Variants in B3GALT1 observed in about 807,000 individuals in gnomAD.
B3GALT1 encodes beta-1,3-galactosyltransferase 1, also known as UDP-Gal:betaGlcNAc beta 1,3-galactosyltransferase, polypeptide 1.
Under a neutral mutation model 23.2 loss-of-function variants are expected in B3GALT1, and 10 were observed. The ratio of observed to expected loss-of-function variants is 0.43; its 90% CI spans 0.27 to 0.73. The LOEUF (loss-of-function observed/expected upper bound fraction) is 0.73, where lower values mean the gene tolerates loss of function less well. Ranked by LOEUF, B3GALT1 falls within the 30% of genes least tolerant of loss-of-function variation. The pLI, the probability that B3GALT1 is intolerant of heterozygous loss-of-function variation, is 0.21. For synonymous variants in B3GALT1, 156 were observed against 141.5 expected, an observed-to-expected ratio of 1.10 and a Z score of -0.73; for missense variants, 299 against 405.4, an observed-to-expected ratio of 0.74 and a Z score of 2.25.
chr2:167,445,378 G>T (rs1180247101), intron 1 of B3GALT1, among the ~76,000 whole-genome samples: 1 of 152,200 alleles, frequency 6.6e-6, no homozygotes, highest in Non-Finnish European at 1.5e-5. Flanking sequence ...ATGTCTATTA[G>T]GTCCACTTGG....
chr2:167,510,285 A>G (rs896997003), intron 2 of B3GALT1, among the ~76,000 whole-genome samples: 7 of 152,040 alleles, frequency 4.6e-5, no homozygotes, highest in South Asian at 2.1e-4. Context: ...TATGTGATAC[A>G]TTGCTTGCAC....
At chr2:167,399,786 T>G (rs894142267) in intron 1 of B3GALT1, among the ~76,000 whole-genome samples, 14 of 152,256 alleles carry the variant, frequency 9.2e-5, no homozygotes, top group African/African-American at 3.4e-4. Flanking sequence ...ACTTTACTTC[T>G]GTGTTGGAGA....
chr2:167,443,481 G>A (rs1024542930), intron 1 of B3GALT1, among the ~76,000 whole-genome samples: 3 of 152,120 alleles, frequency 2.0e-5, no homozygotes, highest in East Asian at 1.9e-4. Context: ...GGCCATTTTC[G>A]TGATATTGAT....
chr2:167,574,641 A>C (rs1357579984), intron 2 of B3GALT1, among the ~76,000 whole-genome samples: 4 of 151,724 alleles, frequency 2.6e-5, no homozygotes, highest in South Asian at 2.1e-4. Flanking sequence ...TATTAAGCTC[A>C]AATTATACCA....
At chr2:167,323,711 C>T (rs1156773309) in intron 1 of B3GALT1, among the ~76,000 whole-genome samples, 4 of 152,022 alleles carry the variant, frequency 2.6e-5, no homozygotes, top group Non-Finnish European at 4.4e-5. Flanking sequence ...ATTCTGTTTC[C>T]CATTCATAAA....
chr2:167,698,649 C>T (rs1686823750), intron 3 of B3GALT1, among the ~76,000 whole-genome samples: 1 of 152,124 alleles, frequency 6.6e-6, no homozygotes, highest in Non-Finnish European at 1.5e-5. Context: ...TTTAGAGCTT[C>T]TGAAAGTTAC....
rs1320332774 is a variant in B3GALT1 at position 167,359,274 on chromosome 2, G to GA, written c.-511+65942dup. Among the ~76,000 whole-genome samples the GA allele has an allele frequency of 2.6e-5, 4 of 152,026 alleles. No individual in the cohort carries two copies. The East Asian group carries it at 5.8e-4, about 22-fold the overall frequency. ...CACTAGGTCTGCATAACAGATTTTA[G>GA]AATATATCAAGGCACATCCTCAATC... On this transcript the variant is annotated intron_variant, in intron 1 of 4. Transcript: ENST00000392690.
chr2:167,656,802 C>G (rs934061480), intron 3 of B3GALT1, among the ~76,000 whole-genome samples: 1 of 152,070 alleles, frequency 6.6e-6, no homozygotes, highest in Admixed American at 6.6e-5. Context: ...TTGGCACTTT[C>G]CTAATAGATT....
chr2:167,295,391 C>A (rs945656958), intron 1 of B3GALT1, among the ~76,000 whole-genome samples: 4 of 152,060 alleles, frequency 2.6e-5, no homozygotes, highest in African/African-American at 9.7e-5. Context: ...GTTATTGAAA[C>A]CTTCAGGACT....
chr2:167,545,252 G>T (rs1683614484), intron 2 of B3GALT1, among the ~76,000 whole-genome samples: 1 of 151,722 alleles, frequency 6.6e-6, no homozygotes. Flanking sequence ...AGCCAGGATG[G>T]TCTTGATCTT....
intron 1 of B3GALT1, among the ~76,000 whole-genome samples, chr2:167,480,360 A>G (rs1699545403): frequency 6.6e-6 from 1 of 152,166 alleles, no homozygotes; most frequent in Non-Finnish European, 1.5e-5. Context: ...CCCAGGAATG[A>G]GCGAAGCCAG....
intron 1 of B3GALT1, among the ~76,000 whole-genome samples, chr2:167,360,509 A>C (rs2689826): frequency 0.85 from 128,625 of 152,068 alleles, 55,125 homozygotes; most frequent in East Asian, 0.95. Context: ...CATCTTGGAA[A>C]TTTTCAGAAA....
intron 2 of B3GALT1, among the ~76,000 whole-genome samples, chr2:167,500,599 C>G (rs1699836597): frequency 6.6e-6 from 1 of 151,192 alleles, no homozygotes; most frequent in Admixed American, 6.6e-5. Context: ...AGGCTCTGTG[C>G]TACACAAGGA....
In B3GALT1 at chr2:167,581,511, T is replaced by C. The variant is rs1009546264; in HGVS notation, c.-409-65398T>C. Among the ~76,000 whole-genome samples the C allele has an allele frequency of 8.5e-5, 13 of 152,344 alleles. No homozygotes were observed. In the South Asian group the frequency reaches 2.3e-3, roughly 27 times the overall value. ...AAACAGACTAAGTATTTCTGCTGGG[T>C]TGCCTGTTGCTTTAAAACACTTCTT... On this transcript the variant is annotated intron_variant, in intron 2 of 4. Transcript: ENST00000392690.
At chr2:167,739,038 G>A (rs1687533726) in intron 3 of B3GALT1, among the ~76,000 whole-genome samples, 1 of 152,076 alleles carries the variant, frequency 6.6e-6, no homozygotes, top group Non-Finnish European at 1.5e-5. Flanking sequence ...GTTTTATGGT[G>A]GTCAATTCCA....
chr2:167,718,211 C>A (rs1275264802), intron 3 of B3GALT1, among the ~76,000 whole-genome samples: 2 of 152,062 alleles, frequency 1.3e-5, no homozygotes, highest in African/African-American at 4.8e-5. Flanking sequence ...AATTAAGATT[C>A]TCTTCTTGCA....
intron 1 of B3GALT1, among the ~76,000 whole-genome samples, chr2:167,466,740 T>C (rs1410327590): frequency 6.6e-6 from 1 of 151,048 alleles, no homozygotes; most frequent in Admixed American, 6.6e-5. Context: ...GGAGACAGAG[T>C]CTTGCTCTTT....
chr2:167,571,236 G>A (rs1249841336), intron 2 of B3GALT1, among the ~76,000 whole-genome samples: 1 of 151,860 alleles, frequency 6.6e-6, no homozygotes, highest in Non-Finnish European at 1.5e-5. Context: ...GAAAGTCTCT[G>A]CATTCACATT....
chr2:167,442,256 A>G lies in B3GALT1; in HGVS notation c.-510-47921A>G, dbSNP rs539194125. Among the ~76,000 whole-genome samples, 400 of 152,102 alleles carry G rather than the reference A, an allele frequency of 2.6e-3. 2 individuals are homozygous for G. The highest frequency in any genetic ancestry group is 1.5e-3 in the Non-Finnish European group (104 of 68,004). On this transcript the variant is annotated intron_variant, in intron 1 of 4. Transcript: ENST00000392690. ...GTATTCCATGGTGTATATGTGCCAC[A>G]TTTTCTTAATCCAGTCTATCATTGT...
Sources: gnomAD v4.1 joint callset for allele counts (sites outside exome capture counted in the v4.1 genomes callset) on GRCh38, gnomAD v4.1.1 for gene constraint, MANE v1.5 for transcripts, NCBI Gene and HGNC (gene_info 2026-07-23, HGNC 2026-07-21) for gene names.